Variants in DPP10 observed in about 807,000 individuals in gnomAD.
DPP10 encodes the protein dipeptidyl peptidase like 10.
A neutral mutation model predicts 120.9 loss-of-function variants in DPP10; 33 were observed. That is an observed-to-expected ratio of 0.27 (90% CI 0.21 to 0.37). DPP10 has a LOEUF of 0.37. Ranked by LOEUF, DPP10 falls within the 10% of genes least tolerant of loss-of-function variation. The probability of loss-of-function intolerance (pLI) is 1.00; values close to 1 mark genes in which losing one functional copy is unlikely to be tolerated. For synonymous variants in DPP10, 337 were observed against 326.1 expected, an observed-to-expected ratio of 1.03 and a Z score of -0.36; for missense variants, 816 against 942.8, an observed-to-expected ratio of 0.87 and a Z score of 1.76.
intron 1 of DPP10, among the ~76,000 whole-genome samples, chr2:114,854,548 C>T (rs1037678757): frequency 1.2e-4 from 19 of 152,088 alleles, no homozygotes; most frequent in Admixed American, 1.2e-3. Flanking sequence ...GAAGAGTTTA[C>T]CATCTCAGAG....
intron 17 of DPP10, among the ~76,000 whole-genome samples, chr2:115,788,934 C>T (rs533864500): frequency 1.5e-3 from 228 of 152,042 alleles, no homozygotes; most frequent in African/African-American, 5.1e-3. Context: ...CTGGCTAACA[C>T]GGTGAAACCC....
chr2:114,954,080 CTTTTT>C (rs66485866), intron 1 of DPP10, among the ~76,000 whole-genome samples: 1 of 122,078 alleles, frequency 8.2e-6, no homozygotes, highest in Non-Finnish European at 1.6e-5. Context: ...TTAAGAAGTC[CTTTTT>C]TTTTTTTTTT....
At chr2:115,841,161 T>C (rs1690101399) in intron 25 of DPP10, among the ~76,000 whole-genome samples, 1 of 152,008 alleles carries the variant, frequency 6.6e-6, no homozygotes, top group South Asian at 2.1e-4. Flanking sequence ...CCTTTTCTTG[T>C]TCCTTTTGTC....
At chr2:115,497,785 A>T (rs1188456297) in intron 3 of DPP10, among the ~76,000 whole-genome samples, 1 of 152,118 alleles carries the variant, frequency 6.6e-6, no homozygotes. Context: ...AGACCAAATG[A>T]GCATTACAGA....
At chr2:114,749,548 CTTTTATTTTATTTTATTTTA>C (rs374862583) in intron 1 of DPP10, among the ~76,000 whole-genome samples, 142 of 125,632 alleles carry the variant, frequency 1.1e-3, no homozygotes, top group African/African-American at 3.9e-3. Context: ...TCTAGCACTG[CTTTTATTTTATTTTATTTTA>C]TTTTATTTTA....
At chr2:114,479,300 A>G (rs904754562) in intron 1 of DPP10, among the ~76,000 whole-genome samples, 1 of 152,206 alleles carries the variant, frequency 6.6e-6, no homozygotes, top group African/African-American at 2.4e-5. Flanking sequence ...ATCTTGAAAA[A>G]GAAAAATGAA....
At chr2:114,602,168 T>A (rs894590460) in intron 1 of DPP10, among the ~76,000 whole-genome samples, 4 of 151,918 alleles carry the variant, frequency 2.6e-5, no homozygotes, top group Admixed American at 6.6e-5. Context: ...CATAGAGCCA[T>A]GAAAGTTGAA....
chr2:115,379,900 G>T (rs1248614033), intron 3 of DPP10, among the ~76,000 whole-genome samples: 1 of 152,150 alleles, frequency 6.6e-6, no homozygotes, highest in African/African-American at 2.4e-5. Flanking sequence ...TAGTTTGATT[G>T]CACTGTGGTC....
intron 1 of DPP10, among the ~76,000 whole-genome samples, chr2:114,817,016 T>C (rs1178674357): frequency 6.6e-6 from 1 of 152,196 alleles, no homozygotes; most frequent in African/African-American, 2.4e-5. Flanking sequence ...CTGATAACAG[T>C]AAAAATCAAA....
chr2:114,618,200 C>T (rs891829866), intron 1 of DPP10, among the ~76,000 whole-genome samples: 1 of 151,808 alleles, frequency 6.6e-6, no homozygotes, highest in Non-Finnish European at 1.5e-5. Flanking sequence ...AATTGCACCA[C>T]TTTTTTTTGA....
intron 5 of DPP10, among the ~76,000 whole-genome samples, chr2:115,651,254 CTGTT>C (rs1027592229): frequency 2.0e-5 from 3 of 151,934 alleles, no homozygotes; most frequent in African/African-American, 4.8e-5. Context: ...TTGTTCAACT[CTGTT>C]TGTATAATAT....
chr2:115,272,715 T>A (rs1010099324), intron 1 of DPP10, among the ~76,000 whole-genome samples: 1 of 152,238 alleles, frequency 6.6e-6, no homozygotes, highest in Admixed American at 6.5e-5. Flanking sequence ...AAATGTTGGA[T>A]CTTTCTGCCT....
At chr2:115,569,483 A>G (rs1335185950) in intron 5 of DPP10, among the ~76,000 whole-genome samples, 1 of 152,246 alleles carries the variant, frequency 6.6e-6, no homozygotes, top group Non-Finnish European at 1.5e-5. Context: ...GATATTAATT[A>G]TACTTGGTAG....
chr2:115,634,179 G>T (rs2086130399), intron 5 of DPP10, among the ~76,000 whole-genome samples: 1 of 152,052 alleles, frequency 6.6e-6, no homozygotes, highest in South Asian at 2.1e-4. Flanking sequence ...CTGTTTAACA[G>T]CTCCTTCTGA....
At chr2:115,464,384 G>C (rs960169037) in intron 3 of DPP10, among the ~76,000 whole-genome samples, 2 of 147,290 alleles carry the variant, frequency 1.4e-5, no homozygotes, top group Non-Finnish European at 3.0e-5. Flanking sequence ...AGAATCATCT[G>C]ACTCCTTAAA....
chr2:115,366,065 C>A (rs2106374715), intron 3 of DPP10, among the ~76,000 whole-genome samples: 1 of 152,048 alleles, frequency 6.6e-6, no homozygotes, highest in East Asian at 1.9e-4. Flanking sequence ...CAGTGGTTGG[C>A]AGTCAGAGCC....
chr2:115,165,422 G>C (rs1157315400), intron 1 of DPP10, among the ~76,000 whole-genome samples: 1 of 152,158 alleles, frequency 6.6e-6, no homozygotes, highest in Non-Finnish European at 1.5e-5. Context: ...CAAATTATAT[G>C]TGTATGTGTG....
At chr2:115,642,141 A>T (rs997589860) in intron 5 of DPP10, among the ~76,000 whole-genome samples, 9 of 152,140 alleles carry the variant, frequency 5.9e-5, no homozygotes, top group African/African-American at 2.2e-4. Flanking sequence ...TATATTCAAA[A>T]TAGGTAGCAA....
At chr2:115,654,721 A>C (rs72950118) in intron 5 of DPP10, among the ~76,000 whole-genome samples, 11,724 of 151,884 alleles carry the variant, frequency 0.077, 1,517 homozygotes, top group African/African-American at 0.27. Flanking sequence ...CATGAAGAGG[A>C]CCAATAGTAG....
Sources: allele counts gnomAD v4.1 joint callset (sites outside exome capture counted in the v4.1 genomes callset), GRCh38; gene constraint gnomAD v4.1.1; transcripts MANE v1.5; gene names NCBI Gene and HGNC (gene_info 2026-07-23, HGNC 2026-07-21).